ARHGAP24: variants seen among roughly 807,000 people sequenced by gnomAD.
ARHGAP24 encodes rho GTPase-activating protein 24.
A neutral mutation model predicts 76.4 loss-of-function variants in ARHGAP24; 50 were observed. The observed-to-expected ratio is 0.65, with a 90% CI of 0.52 to 0.83. The LOEUF (loss-of-function observed/expected upper bound fraction) is 0.83. ARHGAP24 is among the 40% of genes least tolerant of loss of function. ARHGAP24 has a pLI of 0.00. For missense variants in ARHGAP24, 930 were observed against 914.2 expected (o/e 1.02, Z -0.22); for synonymous variants, 345 against 323.3 (o/e 1.07, Z -0.72).
chr4:85,520,522 A>G (rs1286507757), intron 1 of ARHGAP24, among the ~76,000 whole-genome samples: 1 of 152,158 alleles, frequency 6.6e-6, no homozygotes, highest in African/African-American at 2.4e-5. Context: ...TGCATATTCA[A>G]TCAGTAATAA....
intron 3 of ARHGAP24, among the ~76,000 whole-genome samples, chr4:85,731,683 T>C (rs1725415546): frequency 6.6e-6 from 1 of 152,194 alleles, no homozygotes; most frequent in Admixed American, 6.5e-5. Flanking sequence ...TGTTCTATAC[T>C]ACTGTAGGGT....
At chr4:85,701,369 G>T (rs552907541) in intron 2 of ARHGAP24, among the ~76,000 whole-genome samples, 23 of 152,028 alleles carry the variant, frequency 1.5e-4, no homozygotes, top group African/African-American at 4.3e-4. Flanking sequence ...AGATTTTAGT[G>T]CACCCATCAC....
Position 85,942,133 on chromosome 4 carries a change from G to A in ARHGAP24, c.459G>A (p.Pro153=), listed in dbSNP as rs763394248. The A allele has an allele frequency of 9.9e-6, 16 of 1,613,840 alleles. No homozygotes were observed. The highest frequency in any genetic ancestry group is 1.7e-5 in the Admixed American group (1 of 59,976). The change falls in exon 5 of 10, where the codon CCG becomes CCA. Residue 153 remains proline (P), a synonymous_variant. Coordinates refer to ENST00000395184, the MANE Select transcript of ARHGAP24 (RefSeq NM_001025616.3). The part of the protein sequence containing the change: ...YEKRYGNRLA[P]MLVEQCVDFI... ...AGAGATATGGGAACCGTCTGGCTCC[G>A]ATGTTGGTGGAGCAGTGCGTGGACT...
intron 4 of ARHGAP24, among the ~76,000 whole-genome samples, chr4:85,938,532 A>T (rs924162142): frequency 1.3e-5 from 2 of 152,172 alleles, no homozygotes; most frequent in Non-Finnish European, 2.9e-5. Context: ...GAGCATTCTT[A>T]TGCAGAAGGG....
At chr4:85,610,830 A>G (rs2109995621) in intron 2 of ARHGAP24, among the ~76,000 whole-genome samples, 1 of 152,182 alleles carries the variant, frequency 6.6e-6, no homozygotes, top group South Asian at 2.1e-4. Flanking sequence ...TGGCTCTTAC[A>G]TTTTTACTTG....
chr4:85,609,176 C>T (rs149142070), intron 2 of ARHGAP24, among the ~76,000 whole-genome samples: 1 of 151,930 alleles, frequency 6.6e-6, no homozygotes, highest in Admixed American at 6.6e-5. Flanking sequence ...GAAATGGGAC[C>T]CCTATAAAAT....
At chr4:85,779,034 G>T in intron 3 of ARHGAP24, 1 of 975,984 alleles carries the variant, frequency 1.0e-6, no homozygotes, top group Non-Finnish European at 1.2e-6. Flanking sequence ...GTGGTCATTT[G>T]ACCTTTTTTT....
chr4:85,648,542 C>A (rs1246430286), intron 2 of ARHGAP24, among the ~76,000 whole-genome samples: 2 of 152,024 alleles, frequency 1.3e-5, no homozygotes, highest in African/African-American at 4.8e-5. Flanking sequence ...AGCTTCACCC[C>A]ACCCAGCACC....
At chr4:85,756,237 C>T (rs1215500037) in intron 3 of ARHGAP24, among the ~76,000 whole-genome samples, 1 of 151,932 alleles carries the variant, frequency 6.6e-6, no homozygotes, top group Admixed American at 6.6e-5. Context: ...ACTAAATGTT[C>T]CACACAAATA....
intron 3 of ARHGAP24, chr4:85,828,031 T>G: frequency 8.1e-7 from 1 of 1,229,150 alleles, no homozygotes; most frequent in South Asian, 1.3e-5. Flanking sequence ...GTATTGTTGT[T>G]GATTGTGTTT....
At chr4:85,622,558 C>T (rs36172567) in intron 2 of ARHGAP24, among the ~76,000 whole-genome samples, 77,698 of 151,634 alleles carry the variant, frequency 0.51, 21,542 homozygotes, top group Non-Finnish European at 0.64. Context: ...TATAAACATA[C>T]GTGTGCATGT....
intron 3 of ARHGAP24, among the ~76,000 whole-genome samples, chr4:85,826,319 A>G (rs1419456525): frequency 2.0e-5 from 3 of 152,194 alleles, no homozygotes; most frequent in South Asian, 2.1e-4. Flanking sequence ...ACACAGGAGT[A>G]CAACAGGATG....
intron 6 of ARHGAP24, among the ~76,000 whole-genome samples, chr4:85,973,830 A>ATTTTTTTTTT (rs1578452367): frequency 5.4e-5 from 2 of 36,966 alleles, no homozygotes; most frequent in African/African-American, 1.6e-4. Flanking sequence ...ACTGCTGCCT[A>ATTTTTTTTTT]TTGTTTTTTT....
chr4:85,658,360 A>T (rs1296196779), intron 2 of ARHGAP24, among the ~76,000 whole-genome samples: 1 of 152,128 alleles, frequency 6.6e-6, no homozygotes, highest in Non-Finnish European at 1.5e-5. Flanking sequence ...ACCTTTTTTC[A>T]TAAAAACCAA....
Position 85,516,106 on chromosome 4 carries a change from T to C in ARHGAP24, c.-21+40547T>C, listed in dbSNP as rs1277241061. On this transcript the variant is annotated intron_variant, in intron 1 of 9. Coordinates refer to ENST00000395184, the MANE Select transcript of ARHGAP24 (RefSeq NM_001025616.3). ...GTCTGCTGGTTTTCTGCAGGTACTC[T>C]GGTTTCCTCCAGCACCCCAAAGATG... 4.6e-5 allele frequency among the ~76,000 whole-genome samples: 7 copies of C among 152,330 alleles called. No homozygotes were observed. The East Asian group carries it at 9.6e-4, about 21-fold the overall frequency.
intron 1 of ARHGAP24, among the ~76,000 whole-genome samples, chr4:85,565,049 G>C (rs76853622): frequency 6.8e-6 from 1 of 148,066 alleles, no homozygotes; most frequent in African/African-American, 2.5e-5. Flanking sequence ...AAACACATGC[G>C]CATGCTGTCT....
At chr4:85,856,943 T>A (rs1426419611) in intron 3 of ARHGAP24, among the ~76,000 whole-genome samples, 1 of 152,218 alleles carries the variant, frequency 6.6e-6, no homozygotes, top group African/African-American at 2.4e-5. Context: ...GACTTTTTTT[T>A]AATTTAACAT....
intron 2 of ARHGAP24, among the ~76,000 whole-genome samples, chr4:85,681,042 T>C (rs751155336): frequency 6.6e-6 from 1 of 152,142 alleles, no homozygotes; most frequent in Non-Finnish European, 1.5e-5. Flanking sequence ...ACCTGAGCTT[T>C]TATACTGTAG....
intron 3 of ARHGAP24, among the ~76,000 whole-genome samples, chr4:85,772,716 T>C (rs1360239234): frequency 6.6e-6 from 1 of 152,234 alleles, no homozygotes; most frequent in East Asian, 1.9e-4. Flanking sequence ...TGTAGTTCCA[T>C]AGAAACCATG....
Sources: allele counts gnomAD v4.1 joint callset (sites outside exome capture counted in the v4.1 genomes callset), GRCh38; gene constraint gnomAD v4.1.1; transcripts MANE v1.5; gene names NCBI Gene and HGNC (gene_info 2026-07-23, HGNC 2026-07-21).